ACYP2: variants seen among roughly 807,000 people sequenced by gnomAD.
ACYP2 encodes acylphosphatase-2.
ACYP2 carries 12 observed loss-of-function variants against 11.2 expected under a neutral mutation model. The ratio of observed to expected loss-of-function variants is 1.08; its 90% CI spans 0.69 to 1.74. The LOEUF is 1.74. Ranked by LOEUF, ACYP2 falls within the 40% of genes most tolerant of loss-of-function variation. The pLI, the probability that ACYP2 is intolerant of heterozygous loss-of-function variation, is 0.00. For missense variants in ACYP2, 134 were observed against 101.9 expected, an observed-to-expected ratio of 1.31 and a Z score of -1.35; for synonymous variants, 43 against 32.2, an observed-to-expected ratio of 1.33 and a Z score of -1.13.
At chr2:54,102,975 C>G (rs567212030) in intron 4 of ACYP2, among the ~76,000 whole-genome samples, 1 of 152,258 alleles carries the variant, frequency 6.6e-6, no homozygotes, top group Admixed American at 6.5e-5. Flanking sequence ...GTGTCCATCC[C>G]TACCTCTCAT....
intron 4 of ACYP2, among the ~76,000 whole-genome samples, chr2:54,113,521 C>T (rs957853038): frequency 1.3e-5 from 2 of 151,990 alleles, no homozygotes; most frequent in African/African-American, 4.8e-5. Flanking sequence ...GTTGGGATTA[C>T]AGGTGTGAGC....
intron 4 of ACYP2, among the ~76,000 whole-genome samples, chr2:54,075,619 C>A (rs188497367): frequency 5.8e-4 from 88 of 152,064 alleles, no homozygotes; most frequent in African/African-American, 2.0e-3. Flanking sequence ...TAAAGACCAG[C>A]GTGGCCAATA....
chr2:54,260,905 A>T (rs1687748073), intron 6 of ACYP2, among the ~76,000 whole-genome samples: 1 of 151,992 alleles, frequency 6.6e-6, no homozygotes, highest in Non-Finnish European at 1.5e-5. Context: ...AATGAGAGGG[A>T]ATGACATGAC....
chr2:53,973,575 A>G (rs1671283506), intron 1 of ACYP2: 1 of 196,846 alleles, frequency 5.1e-6, no homozygotes, highest in South Asian at 1.9e-4. Flanking sequence ...GGTTCTTTGT[A>G]TTTCTCCCCA....
chr2:54,227,555 G>A (rs569744415), intron 6 of ACYP2, among the ~76,000 whole-genome samples: 9 of 151,750 alleles, frequency 5.9e-5, no homozygotes, highest in Non-Finnish European at 7.4e-5. Flanking sequence ...CAGAGGAATC[G>A]CTTGAACCTG....
chr2:54,212,923 A>C (rs1226678331), intron 6 of ACYP2, among the ~76,000 whole-genome samples: 1 of 146,018 alleles, frequency 6.8e-6, no homozygotes, highest in Non-Finnish European at 1.5e-5. Context: ...TTTTTTTTTT[A>C]AATGTCATGG....
intron 2 of ACYP2, among the ~76,000 whole-genome samples, chr2:54,002,936 C>T (rs1003324066): frequency 1.3e-5 from 2 of 150,452 alleles, no homozygotes; most frequent in Admixed American, 6.6e-5. Context: ...GCGTGAGCCA[C>T]CATGCCTGGC....
At chr2:54,295,612 CG>C (rs1479861851) in intron 6 of ACYP2, among the ~76,000 whole-genome samples, 1 of 152,000 alleles carries the variant, frequency 6.6e-6, no homozygotes, top group Non-Finnish European at 1.5e-5. Flanking sequence ...TTTATTTCTT[CG>C]GGGTCGGGGG....
At chr2:54,037,229 C>T (rs1022352635) in intron 2 of ACYP2, among the ~76,000 whole-genome samples, 22 of 152,226 alleles carry the variant, frequency 1.4e-4, no homozygotes, top group African/African-American at 5.1e-4. Context: ...CCTCTGGCCT[C>T]GGCCTCCCAA....
At chr2:54,039,222 T>G (rs1444974788) in intron 2 of ACYP2, among the ~76,000 whole-genome samples, 1 of 151,620 alleles carries the variant, frequency 6.6e-6, no homozygotes, top group African/African-American at 2.4e-5. Context: ...TGGAAGTTTT[T>G]TTTTTTTTTT....
At chr2:54,274,552 G>A (rs1688460898) in intron 6 of ACYP2, among the ~76,000 whole-genome samples, 1 of 131,158 alleles carries the variant, frequency 7.6e-6, no homozygotes, top group African/African-American at 2.8e-5. Flanking sequence ...ACTTGAGCCT[G>A]AAAGGCCAAG....
At chr2:54,115,036 A>G (rs1265467994) in intron 4 of ACYP2, among the ~76,000 whole-genome samples, 1 of 151,768 alleles carries the variant, frequency 6.6e-6, no homozygotes, top group African/African-American at 2.4e-5. Context: ...GGGATGGGGG[A>G]TGAAAGGGGT....
chr2:54,074,962 G>T (rs1049844331), intron 4 of ACYP2, among the ~76,000 whole-genome samples: 3 of 152,156 alleles, frequency 2.0e-5, no homozygotes, highest in Non-Finnish European at 4.4e-5. Flanking sequence ...AATGATGCTT[G>T]ATCATGTATC....
intron 6 of ACYP2, among the ~76,000 whole-genome samples, chr2:54,243,179 C>T (rs1242513134): frequency 1.3e-5 from 2 of 152,042 alleles, no homozygotes; most frequent in Admixed American, 6.6e-5. Context: ...AGTACAATAA[C>T]GCGTTTAACA....
chr2:54,160,517 C>T (rs1047122579), intron 6 of ACYP2, among the ~76,000 whole-genome samples: 1 of 152,188 alleles, frequency 6.6e-6, no homozygotes, highest in Admixed American at 6.5e-5. Flanking sequence ...GATTGTCTGT[C>T]CTTTTCTTCT....
chr2:54,263,622 C>T (rs189803087), intron 6 of ACYP2, among the ~76,000 whole-genome samples: 1,847 of 148,046 alleles, frequency 0.012, 34 homozygotes, highest in African/African-American at 0.044. Context: ...CACACCCTGT[C>T]GAAAAAAAAG....
chr2:54,048,716 G>T (rs1675661869), intron 2 of ACYP2, among the ~76,000 whole-genome samples: 1 of 152,076 alleles, frequency 6.6e-6, no homozygotes, highest in South Asian at 2.1e-4. Flanking sequence ...TCACATATAT[G>T]GCATTTTTAA....
intron 6 of ACYP2, among the ~76,000 whole-genome samples, chr2:54,225,764 TTTGGGGTC>T (rs1317736773): frequency 6.6e-6 from 1 of 152,108 alleles, no homozygotes; most frequent in East Asian, 1.9e-4. Context: ...TGGTAATCAT[TTTGGGGTC>T]TGGAATACCT....
chr2:54,016,395 A>T (rs1673683357), intron 2 of ACYP2, among the ~76,000 whole-genome samples: 1 of 151,692 alleles, frequency 6.6e-6, no homozygotes, highest in Non-Finnish European at 1.5e-5. Context: ...TTGCTAATTT[A>T]TAAGGCTCAA....
Sources: gnomAD v4.1 joint callset for allele counts (sites outside exome capture counted in the v4.1 genomes callset) on GRCh38, gnomAD v4.1.1 for gene constraint, MANE v1.5 for transcripts, NCBI Gene and HGNC (gene_info 2026-07-23, HGNC 2026-07-21) for gene names.